The following CDH13 variants were observed in gnomAD, a reference collection of about 807,000 sequenced individuals.
The protein encoded by CDH13 is cadherin-13.
In CDH13, 24 loss-of-function variants were observed where a neutral mutation model predicts 63.8. That is an observed-to-expected ratio of 0.38 (90% CI 0.27 to 0.53). The LOEUF is 0.53. CDH13 is among the 20% of genes least tolerant of loss of function. The probability of loss-of-function intolerance (pLI) is 0.85; values close to 1 mark genes in which losing one functional copy is unlikely to be tolerated. For synonymous variants in CDH13, 503 were observed against 355.3 expected (o/e 1.42, Z -4.67); for missense variants, 1,049 against 903.1 (o/e 1.16, Z -2.07).
chr16:83,145,090 A>T (rs1044587575), intron 4 of CDH13, among the ~76,000 whole-genome samples: 1 of 152,204 alleles, frequency 6.6e-6, no homozygotes, highest in Non-Finnish European at 1.5e-5. Flanking sequence ...TTGGGTCTCC[A>T]TCCATATGCT....
chr16:82,655,618 T>A (rs1176623322), intron 1 of CDH13, among the ~76,000 whole-genome samples: 1 of 151,962 alleles, frequency 6.6e-6, no homozygotes, highest in African/African-American at 2.4e-5. Context: ...GGCAGTGACA[T>A]CATTTGTTTT....
intron 10 of CDH13, among the ~76,000 whole-genome samples, chr16:83,692,494 C>T (rs1158238910): frequency 2.0e-5 from 3 of 152,222 alleles, no homozygotes; most frequent in African/African-American, 4.8e-5. Context: ...TTTACAGACT[C>T]CGTCTGTCCC....
chr16:83,011,677 A>G (rs1914171227), intron 2 of CDH13, among the ~76,000 whole-genome samples: 1 of 152,168 alleles, frequency 6.6e-6, no homozygotes, highest in African/African-American at 2.4e-5. Context: ...CACCTGTGTG[A>G]TCTTCTACCA....
chr16:83,571,282 G>T (rs1298247821), intron 7 of CDH13, among the ~76,000 whole-genome samples: 1 of 152,060 alleles, frequency 6.6e-6, no homozygotes, highest in Non-Finnish European at 1.5e-5. Context: ...ATGGAAAATT[G>T]TCACATGAGG....
intron 1 of CDH13, among the ~76,000 whole-genome samples, chr16:82,632,869 T>TG (rs1349519169): frequency 6.6e-6 from 1 of 152,098 alleles, no homozygotes; most frequent in African/African-American, 2.4e-5. Flanking sequence ...TGGTCCCATC[T>TG]GGGGGTGATG....
intron 1 of CDH13, among the ~76,000 whole-genome samples, chr16:82,851,714 C>T (rs1167568017): frequency 6.6e-6 from 1 of 151,976 alleles, no homozygotes; most frequent in Admixed American, 6.6e-5. Context: ...TGCACATGTC[C>T]TGGAATGCTC....
At chr16:82,647,948 C>T (rs1005557811) in intron 1 of CDH13, among the ~76,000 whole-genome samples, 5 of 152,150 alleles carry the variant, frequency 3.3e-5, no homozygotes, top group African/African-American at 1.2e-4. Context: ...CAGGTTTTCC[C>T]TGTGCCGTTT....
chr16:82,993,424 G>C (rs2151410064), intron 2 of CDH13, among the ~76,000 whole-genome samples: 2 of 152,238 alleles, frequency 1.3e-5, no homozygotes, highest in South Asian at 4.2e-4. Flanking sequence ...AAAAAACAAA[G>C]AATGGTCCAG....
intron 3 of CDH13, among the ~76,000 whole-genome samples, chr16:83,088,661 C>G (rs2033736190): frequency 6.6e-6 from 1 of 152,136 alleles, no homozygotes; most frequent in Non-Finnish European, 1.5e-5. Flanking sequence ...ATAATCAGAA[C>G]TTTTCCAAAA....
At chr16:83,420,558 A>G (rs777449574) in intron 6 of CDH13, among the ~76,000 whole-genome samples, 2 of 152,202 alleles carry the variant, frequency 1.3e-5, no homozygotes, top group Non-Finnish European at 2.9e-5. Context: ...TCTTTTACGT[A>G]CCGATTAAAT....
intron 6 of CDH13, among the ~76,000 whole-genome samples, chr16:83,399,878 G>A (rs1287522332): frequency 1.3e-5 from 2 of 152,124 alleles, no homozygotes; most frequent in Non-Finnish European, 2.9e-5. Flanking sequence ...ACAAAAGGAG[G>A]TTGTACCCAA....
At chr16:83,483,833 C>A (rs370663055) in intron 6 of CDH13, among the ~76,000 whole-genome samples, 3 of 152,118 alleles carry the variant, frequency 2.0e-5, no homozygotes, top group Non-Finnish European at 1.5e-5. Flanking sequence ...ACATCAGTTT[C>A]CATAGACTGT....
At chr16:82,810,270 C>T (rs1288561193) in intron 1 of CDH13, among the ~76,000 whole-genome samples, 1 of 152,150 alleles carries the variant, frequency 6.6e-6, no homozygotes, top group African/African-American at 2.4e-5. Flanking sequence ...GGACCTAGGA[C>T]AGCGGCTCAT....
At chr16:83,735,429 G>A (rs960823596) in intron 10 of CDH13, 3 of 151,690 alleles carry the variant, frequency 2.0e-5, no homozygotes, top group African/African-American at 7.3e-5. Context: ...TTTTCTTCTT[G>A]TATTGCTTTA....
intron 1 of CDH13, among the ~76,000 whole-genome samples, chr16:82,681,613 A>T (rs145860904): frequency 0.011 from 1,716 of 152,326 alleles, 24 homozygotes; most frequent in African/African-American, 0.034. Flanking sequence ...TTCTTGCTTA[A>T]CCTGGCGGGA....
intron 1 of CDH13, among the ~76,000 whole-genome samples, chr16:82,784,929 C>T (rs1049572467): frequency 1.3e-5 from 2 of 152,174 alleles, no homozygotes; most frequent in Non-Finnish European, 2.9e-5. Flanking sequence ...CAGAGAGCGC[C>T]TTGAAATGAG....
At chr16:82,799,793 G>A (rs1441911700) in intron 1 of CDH13, among the ~76,000 whole-genome samples, 2 of 152,154 alleles carry the variant, frequency 1.3e-5, no homozygotes, top group African/African-American at 2.4e-5. Flanking sequence ...TTTTCTAAAT[G>A]GAGACTACAC....
chr16:83,488,901 A>G (rs185866283), intron 7 of CDH13, among the ~76,000 whole-genome samples: 1 of 152,212 alleles, frequency 6.6e-6, no homozygotes, highest in Non-Finnish European at 1.5e-5. Context: ...CTGGGATTAC[A>G]GGGATGAGCC....
At chr16:82,695,311 T>A (rs750536250) in intron 1 of CDH13, among the ~76,000 whole-genome samples, 19 of 152,222 alleles carry the variant, frequency 1.2e-4, no homozygotes, top group Admixed American at 1.3e-4. Flanking sequence ...TAATATAAAT[T>A]ATTTGAAAGC....
Sources: gnomAD v4.1 joint callset for allele counts (sites outside exome capture counted in the v4.1 genomes callset) on GRCh38, gnomAD v4.1.1 for gene constraint, MANE v1.5 for transcripts, NCBI Gene and HGNC (gene_info 2026-07-23, HGNC 2026-07-21) for gene names.